Variants in TASOR2 observed in about 807,000 individuals in gnomAD.
The protein encoded by TASOR2 is protein TASOR 2.
Under a neutral mutation model 199.5 loss-of-function variants are expected in TASOR2, and 84 were observed. That is an observed-to-expected ratio of 0.42 (90% CI 0.35 to 0.50). The LOEUF (loss-of-function observed/expected upper bound fraction) is 0.50, where lower values mean the gene tolerates loss of function less well. Ranked by LOEUF, TASOR2 falls within the 20% of genes least tolerant of loss-of-function variation. The pLI is 0.02. For missense variants in TASOR2, 2,796 were observed against 2,835.9 expected, an observed-to-expected ratio of 0.99 and a Z score of 0.32; for synonymous variants, 1,103 against 1,046.6, an observed-to-expected ratio of 1.05 and a Z score of -1.04.
exon 15 of TASOR2, chr10:5,747,551 C>T (rs748506084): frequency 1.1e-5 from 18 of 1,613,940 alleles, no homozygotes; most frequent in Non-Finnish European, 1.4e-5. Context: ...GAAAATTGCA[C>T]CCTTGAGATT....
At chr10:5,734,063 T>C (rs1341536368) in intron 11 of TASOR2, among the ~76,000 whole-genome samples, 2 of 152,238 alleles carry the variant, frequency 1.3e-5, no homozygotes, top group African/African-American at 4.8e-5. Context: ...CTGTTTAATA[T>C]CATTTTTAGT....
chr10:5,750,167 A>G lies in TASOR2; in HGVS notation c.6606+140A>G. ...ATTTCACAGCTTAGTCTTTATCTGC[A>G]TACTAAATGTTTTCCTGCAGGATCT... On this transcript the variant is annotated intron_variant, in intron 15 of 20. Transcript: ENST00000328090. This position sits in a 1 kb window ranked among gnomAD's most constrained non-coding sequence, Gnocchi z 5.4. 1.1e-6 allele frequency: 1 copy of G among 900,302 alleles called. No homozygotes were observed. Among genetic ancestry groups the G allele is most frequent in the South Asian group, 2.1e-5 (1 of 46,592 alleles). 55.8% of individuals were successfully genotyped at this position (900,302 alleles called of 1,614,324 possible).
chr10:5,739,108 G>C (rs1836015939), intron 12 of TASOR2, among the ~76,000 whole-genome samples: 1 of 152,224 alleles, frequency 6.6e-6, no homozygotes, highest in Non-Finnish European at 1.5e-5. Flanking sequence ...AACTTAGGTA[G>C]TTTCTCTAAT....
chr10:5,759,041 G>C (rs1004078065), intron 18 of TASOR2, 49 bp downstream of exon 19: 2 of 1,337,930 alleles, frequency 1.5e-6, no homozygotes, highest in African/African-American at 1.5e-5. Flanking sequence ...TGGGGTAGCA[G>C]AGAAACGCCT....
At chr10:5,753,179 C>T (rs1043291392) in intron 15 of TASOR2, among the ~76,000 whole-genome samples, 3 of 152,180 alleles carry the variant, frequency 2.0e-5, no homozygotes, top group African/African-American at 7.2e-5. Flanking sequence ...AAATGACAGT[C>T]ACTGCCTTAA....
intron 19 of TASOR2, 23 bp from the exon 21 acceptor site, chr10:5,762,509 T>TTTTC (rs1840032358): frequency 2.3e-6 from 1 of 429,718 alleles, no homozygotes; most frequent in African/African-American, 9.4e-5. Flanking sequence ...TAACCAAAAG[T>TTTTC]TGTTTTTTTT....
At chr10:5,728,220 C>CAA (rs71388473) in intron 10 of TASOR2, among the ~76,000 whole-genome samples, 1,618 of 134,386 alleles carry the variant, frequency 0.012, 11 homozygotes, top group Middle Eastern at 0.038. Context: ...GACCCTGTTT[C>CAA]AAAAAAAAAA....
chr10:5,754,247 A>G lies in TASOR2; in HGVS notation c.6607-2366A>G, dbSNP rs972043901. ...CAGGATGTGGAGGTTGTAGTAAGCC[A>G]CTGTGCTCCCAGCCTGCCCGACAGA... On this transcript the variant is annotated intron_variant, in intron 15 of 20. Coordinates refer to ENST00000328090, the Ensembl canonical transcript of TASOR2. The surrounding 1 kb of genome is among the most constrained non-coding windows in gnomAD (Gnocchi z 4.3). Among the ~76,000 whole-genome samples, 2 of 152,170 alleles carry G rather than the reference A, an allele frequency of 1.3e-5. No homozygotes were observed. The highest frequency in any genetic ancestry group is 4.8e-5 in the African/African-American group (2 of 41,452).
chr10:5,742,245 A>G lies in TASOR2; in HGVS notation c.2476A>G (p.Ile826Val), dbSNP rs1388106354. ...CAGCAACCCAGCAAAATATGTGTCT[A>G]TAAATAGCACGTTAGAATCTTGTGA... The change falls in exon 14 of 21, where the codon ATA becomes GTA. Residue 826 changes from isoleucine to valine, a missense_variant. This residue lies in a region of TASOR2 where 1,941 missense variants were observed against 1,924.9 expected (regional missense o/e 1.01). Transcript: ENST00000328090. This position sits in a 1 kb window ranked among gnomAD's most constrained non-coding sequence, Gnocchi z 4.2. 6.2e-6 allele frequency: 10 copies of G among 1,614,078 alleles called. No individual in the cohort carries two copies. The highest frequency in any genetic ancestry group is 3.3e-5 in the South Asian group (3 of 91,084).
Position 5,708,634 on chromosome 10 carries a change from CCCTTCCTTCCTT to C in TASOR2, c.-287-4176_-287-4165del, listed in dbSNP as rs59164314. On this transcript the variant is annotated intron_variant, in intron 1 of 20. Transcript: ENST00000328090. ...TCCCTCCCTCCCTCCCTCCCTTCCTCCCTTCCTTCCTTCCTTCCTTCCTTTCCTTCCTTTCTT... is the reference window on the plus strand; with the variant it reads ...TCCCTCCCTCCCTCCCTCCCTTCCTCCCTTCCTTCCTTTCCTTCCTTTCTT... 2.6e-4 allele frequency among the ~76,000 whole-genome samples: 26 copies of C among 98,602 alleles called. No homozygotes were observed. The South Asian group carries it at 2.7e-3, about 10-fold the overall frequency. The allele number at this position is 98,602 out of a possible 152,430, so 64.7% of individuals were successfully genotyped here. A position where few individuals can be genotyped will look rare whatever the true frequency, so the allele number is the denominator to read the frequency against.
rs1044858341 is a variant in TASOR2, at chr10:5,690,366, T to G, written c.-288+5191T>G. On this transcript the variant is annotated intron_variant, in intron 1 of 20. Transcript: ENST00000328090. This position sits in a 1 kb window ranked among gnomAD's most constrained non-coding sequence, Gnocchi z 4.8. ...TTGTATAAAGATTCACTACCCTCCT[T>G]GGCATGGTGAAATAGACCCTGTTTA... Among the ~76,000 whole-genome samples the G allele has an allele frequency of 1.3e-5, 2 of 152,230 alleles. No individual in the cohort carries two copies. The highest frequency in any genetic ancestry group is 2.9e-5 in the Non-Finnish European group (2 of 68,042).
In TASOR2 at chr10:5,690,892, G is replaced by T. The variant is rs535651171; in HGVS notation, c.-288+5717G>T. On this transcript the variant is annotated intron_variant, in intron 1 of 20. Transcript: ENST00000328090. This position sits in a 1 kb window ranked among gnomAD's most constrained non-coding sequence, Gnocchi z 4.8. ...ATATAAGCTTTGAAATAATTCTAAT[G>T]AAAATTATATGACCTTGAGGCTGGG... Among the ~76,000 whole-genome samples the T allele has an allele frequency of 3.3e-5, 5 of 152,240 alleles. No individual in the cohort carries two copies. The South Asian group carries it at 1.0e-3, about 32-fold the overall frequency.
In TASOR2 at chr10:5,720,893, G is replaced by T; in HGVS notation, c.69G>T (p.Gly23=). 1 of 1,611,650 alleles carries T rather than the reference G, an allele frequency of 6.2e-7. No homozygotes were observed. The highest frequency in any genetic ancestry group is 8.5e-7 in the Non-Finnish European group (1 of 1,179,342). ...CAGTTCTCATGTCTCCATGGAAAGG[G>T]AAATTAATTGTTCAAGACCGTATGC... The change falls in exon 6 of 21, where the codon GGG becomes GGT. Residue 23 remains glycine, a synonymous_variant. Coordinates refer to ENST00000328090, the Ensembl canonical transcript of TASOR2. This position sits in a 1 kb window ranked among gnomAD's most constrained non-coding sequence, Gnocchi z 5.3.
chr10:5,732,348 G>A (rs1273244945), intron 11 of TASOR2, among the ~76,000 whole-genome samples: 1 of 152,262 alleles, frequency 6.6e-6, no homozygotes, highest in Non-Finnish European at 1.5e-5. Flanking sequence ...CTCATGCCGT[G>A]TTGGCAGAGC....
chr10:5,754,995 G>C lies in TASOR2; in HGVS notation c.6607-1618G>C, dbSNP rs9971188. Among the ~76,000 whole-genome samples, 1 of 145,038 alleles carries C rather than the reference G, an allele frequency of 6.9e-6. No homozygotes were observed. Among genetic ancestry groups the C allele is most frequent in the Non-Finnish European group, 1.5e-5 (1 of 66,672 alleles). ...CGGGAGGCAGAGCTTGCAGTGAGCCGAGATCGCGCCACTGCACTCCAGCCT... is the reference window on the plus strand; with the variant it reads ...CGGGAGGCAGAGCTTGCAGTGAGCCCAGATCGCGCCACTGCACTCCAGCCT... On this transcript the variant is annotated intron_variant, in intron 15 of 20. Transcript: ENST00000328090. The surrounding 1 kb of genome is among the most constrained non-coding windows in gnomAD (Gnocchi z 4.3).
At chr10:5,686,497 A>C (rs1835830242) in intron 1 of TASOR2, among the ~76,000 whole-genome samples, 1 of 152,188 alleles carries the variant, frequency 6.6e-6, no homozygotes, top group Admixed American at 6.5e-5. Context: ...TACTGCAGTG[A>C]TTATCTCTTG....
intron 11 of TASOR2, 68 bp from the exon 13 acceptor site, chr10:5,735,236 A>G: frequency 6.5e-7 from 1 of 1,541,922 alleles, no homozygotes; most frequent in Non-Finnish European, 8.7e-7. Flanking sequence ...ACAAAACAAA[A>G]AATGGAAAAG....
chr10:5,712,440 A>G, intron 1 of TASOR2: 2 of 1,231,648 alleles, frequency 1.6e-6, no homozygotes, highest in Non-Finnish European at 2.0e-6. Context: ...TCCAGAGGGC[A>G]GTTTCACTCC....
At chr10:5,760,682 GA>G (rs1305091521) in intron 18 of TASOR2, among the ~76,000 whole-genome samples, 1 of 152,138 alleles carries the variant, frequency 6.6e-6, no homozygotes, top group African/African-American at 2.4e-5. Flanking sequence ...ATTTATACAG[GA>G]AAAAGTGAAA....
Sources: gnomAD v4.1 joint callset for allele counts (sites outside exome capture counted in the v4.1 genomes callset) on GRCh38, gnomAD v4.1.1 for gene constraint, gnomAD v4.1.1 regional missense constraint, Gnocchi (gnomAD v3.1) non-coding constraint, MANE v1.5 for transcripts, NCBI Gene and HGNC (gene_info 2026-07-23, HGNC 2026-07-21) for gene names.